The following TEAD1 variants were observed in gnomAD, a reference collection of about 807,000 sequenced individuals.
TEAD1 encodes TEA domain transcription factor 1.
In TEAD1, 9 loss-of-function variants were observed where a neutral mutation model predicts 54.9. The observed-to-expected ratio is 0.16, with a 90% CI of 0.10 to 0.29. The LOEUF (loss-of-function observed/expected upper bound fraction) is 0.29, where lower values mean the gene tolerates loss of function less well. Among genes scored for constraint, TEAD1 ranks in the 10% least tolerant of loss-of-function variants. TEAD1 has a pLI of 1.00. For synonymous variants in TEAD1, 200 were observed against 187.8 expected (o/e 1.07, Z -0.53); for missense variants, 387 against 535.9 (o/e 0.72, Z 2.74).
chr11:12,716,232 C>T (rs1944059304), intron 2 of TEAD1, among the ~76,000 whole-genome samples: 3 of 152,172 alleles, frequency 2.0e-5, no homozygotes, highest in Middle Eastern at 3.4e-3. Flanking sequence ...TTGGAACCAC[C>T]GGACAAGCAG....
intron 2 of TEAD1, among the ~76,000 whole-genome samples, chr11:12,704,824 A>G (rs1943781175): frequency 6.6e-6 from 1 of 152,150 alleles, no homozygotes; most frequent in Admixed American, 6.5e-5. Flanking sequence ...TATTCATAGA[A>G]CTGGGTCTTG....
intron 5 of TEAD1, 35 bp downstream of exon 5, chr11:12,864,935 T>C (rs749755792): frequency 1.2e-6 from 2 of 1,610,762 alleles, no homozygotes; most frequent in South Asian, 2.2e-5. Flanking sequence ...TTGTGGTTGC[T>C]ATGCATCTCA....
At chr11:12,680,496 C>A (rs11022469) in intron 2 of TEAD1, among the ~76,000 whole-genome samples, 1 of 152,184 alleles carries the variant, frequency 6.6e-6, no homozygotes, top group Non-Finnish European at 1.5e-5. Context: ...CCCGCCCGCC[C>A]GAGCCTGTTG....
intron 3 of TEAD1, among the ~76,000 whole-genome samples, chr11:12,786,789 G>A (rs1945686152): frequency 6.6e-6 from 1 of 152,204 alleles, no homozygotes; most frequent in Non-Finnish European, 1.5e-5. Flanking sequence ...ATGTAAGTAT[G>A]TTAGGTGGTG....
chr11:12,787,975 T>TG (rs1262193480), intron 3 of TEAD1, among the ~76,000 whole-genome samples: 3 of 151,552 alleles, frequency 2.0e-5, no homozygotes, highest in African/African-American at 7.3e-5. Context: ...TTTTTTTTTT[T>TG]TTTTGAGATG....
rs1461044232 is a variant in TEAD1, at chr11:12,941,134, G to A, written c.*3912G>A. The A allele has an allele frequency of 6.6e-6, 1 of 152,180 alleles. No homozygotes were observed. Among genetic ancestry groups the A allele is most frequent in the African/African-American group, 2.4e-5 (1 of 41,422 alleles). The allele number at this position is 152,180 out of a possible 1,614,324, so 9.4% of individuals were successfully genotyped here. A position where few individuals can be genotyped will look rare whatever the true frequency, so the allele number is the denominator to read the frequency against. ...CTAAGCTTAATCCCTCAGAATGTGT[G>A]GACAGGTCAGCTTAGAAGAGATGGG... On this transcript the variant is annotated 3_prime_UTR_variant, in exon 13 of 13. Transcript: ENST00000527636.
At chr11:12,702,388 T>C (rs1467291332) in intron 2 of TEAD1, among the ~76,000 whole-genome samples, 1 of 152,210 alleles carries the variant, frequency 6.6e-6, no homozygotes, top group African/African-American at 2.4e-5. Flanking sequence ...ACTCCCTCTT[T>C]ATAGCTTCAT....
At chr11:12,728,586 A>ATAC (rs1229640635) in intron 2 of TEAD1, among the ~76,000 whole-genome samples, 2 of 152,162 alleles carry the variant, frequency 1.3e-5, no homozygotes, top group East Asian at 3.9e-4. Flanking sequence ...ATAGCATCTG[A>ATAC]TACTCATCCC....
At chr11:12,919,747 G>C (rs1948770990) in intron 10 of TEAD1, among the ~76,000 whole-genome samples, 1 of 152,048 alleles carries the variant, frequency 6.6e-6, no homozygotes, top group African/African-American at 2.4e-5. Flanking sequence ...CAATCCTCCT[G>C]CCTCAACCTC....
intron 2 of TEAD1, among the ~76,000 whole-genome samples, chr11:12,725,172 A>G (rs1271245146): frequency 1.3e-5 from 2 of 152,146 alleles, no homozygotes; most frequent in African/African-American, 4.8e-5. Flanking sequence ...AATTGGATAT[A>G]TTGTTACCCC....
chr11:12,676,471 A>G (rs568390670), intron 2 of TEAD1, among the ~76,000 whole-genome samples: 2 of 152,354 alleles, frequency 1.3e-5, no homozygotes, highest in African/African-American at 2.4e-5. Flanking sequence ...TCTTCAGGCT[A>G]CGCCCGGTGC....
intron 9 of TEAD1, among the ~76,000 whole-genome samples, chr11:12,890,538 C>T (rs529947856): frequency 6.6e-6 from 1 of 152,298 alleles, no homozygotes; most frequent in South Asian, 2.1e-4. Flanking sequence ...GCCTCAGTTT[C>T]CAGTCTGTCT....
In TEAD1 at chr11:12,807,134, C is replaced by A. The variant is rs1464442684; in HGVS notation, c.202+42700C>A. Among the ~76,000 whole-genome samples, 6 of 152,326 alleles carry A rather than the reference C, an allele frequency of 3.9e-5. No homozygotes were observed. In the South Asian group the frequency reaches 1.2e-3, roughly 32 times the overall value. On this transcript the variant is annotated intron_variant, in intron 3 of 12. Coordinates refer to ENST00000527636, the MANE Select transcript of TEAD1 (RefSeq NM_021961.6). ...AATAAAATCCCCAAATGTGAAAGCT[C>A]TCCCTTTTTGCAAAGGCACTTTGGA...
chr11:12,681,505 G>A (rs571744508), intron 2 of TEAD1, among the ~76,000 whole-genome samples: 1 of 152,346 alleles, frequency 6.6e-6, no homozygotes, highest in Non-Finnish European at 1.5e-5. Context: ...AGTGGAAAAT[G>A]CTTCCAGAAC....
At chr11:12,936,905 TCTTA>T (rs1432740758) in intron 12 of TEAD1, among the ~76,000 whole-genome samples, 200 bp from the exon 13 acceptor site, 2 of 152,172 alleles carry the variant, frequency 1.3e-5, no homozygotes, top group African/African-American at 2.4e-5. Context: ...AGAAGGTATT[TCTTA>T]CTTATGATAA....
intron 2 of TEAD1, among the ~76,000 whole-genome samples, chr11:12,732,297 T>C (rs1944440387): frequency 6.6e-6 from 1 of 152,238 alleles, no homozygotes; most frequent in Non-Finnish European, 1.5e-5. Context: ...TCTGTCTTCC[T>C]TACTGGATTG....
At chr11:12,850,571 G>C (rs868743956) in intron 3 of TEAD1, among the ~76,000 whole-genome samples, 14 of 152,212 alleles carry the variant, frequency 9.2e-5, no homozygotes, top group African/African-American at 3.1e-4. Context: ...TAGAGGTCTA[G>C]AGAAGTTGAG....
intron 3 of TEAD1, among the ~76,000 whole-genome samples, chr11:12,850,021 A>G (rs1947238764): frequency 6.6e-6 from 1 of 152,248 alleles, no homozygotes; most frequent in South Asian, 2.1e-4. Context: ...TCATGGGTTT[A>G]TACCAGATGC....
chr11:12,930,120 C>G (rs1948988339), intron 11 of TEAD1, 54 bp from the exon 12 acceptor site: 1 of 1,608,926 alleles, frequency 6.2e-7, no homozygotes, highest in South Asian at 1.1e-5. Flanking sequence ...ATATCTGTTT[C>G]ATGTGTTTTG....
Sources: allele counts gnomAD v4.1 joint callset (sites outside exome capture counted in the v4.1 genomes callset), GRCh38; gene constraint gnomAD v4.1.1; transcripts MANE v1.5; gene names NCBI Gene and HGNC (gene_info 2026-07-23, HGNC 2026-07-21).